Variants in PCDHA7 observed in about 807,000 individuals in gnomAD.
PCDHA7 encodes the protein protocadherin alpha-7.
PCDHA7 carries 37 observed loss-of-function variants against 57.2 expected under a neutral mutation model. The observed-to-expected ratio is 0.65, with a 90% CI of 0.50 to 0.85. The LOEUF is 0.85. Ranked by LOEUF, PCDHA7 falls within the 40% of genes least tolerant of loss-of-function variation. The pLI is 0.00. For missense variants in PCDHA7, 1,188 were observed against 1,241.8 expected (o/e 0.96, Z 0.65); for synonymous variants, 553 against 558.8 (o/e 0.99, Z 0.15).
chr5:140,913,450 T>G (rs2153526628), intron 1 of PCDHA7, among the ~76,000 whole-genome samples: 1 of 152,270 alleles, frequency 6.6e-6, no homozygotes, highest in Middle Eastern at 3.4e-3. Flanking sequence ...TCAGCTCCGA[T>G]TTTATTTACT....
chr5:140,966,926 C>T (rs782811757), intron 1 of PCDHA7: 22 of 1,603,344 alleles, frequency 1.4e-5, no homozygotes, highest in Middle Eastern at 1.6e-4. Context: ...GGAGCAGGCA[C>T]CCGGCGCGCT....
chr5:140,958,137 A>G (rs1237826000), intron 1 of PCDHA7, among the ~76,000 whole-genome samples: 2 of 152,112 alleles, frequency 1.3e-5, no homozygotes, highest in Admixed American at 6.6e-5. Flanking sequence ...ATCAGTGTGT[A>G]TATTTATATA....
At chr5:140,875,399 C>T (rs62622796) in intron 1 of PCDHA7, 40,992 of 1,482,866 alleles carry the variant, frequency 0.028, 731 homozygotes, top group Non-Finnish European at 0.032. Flanking sequence ...AAAAGGGTGA[C>T]TGCTCATAAA....
chr5:140,967,745 G>A, intron 1 of PCDHA7: 1 of 1,614,184 alleles, frequency 6.2e-7, no homozygotes, highest in Non-Finnish European at 8.5e-7. Flanking sequence ...GGATTATGAG[G>A]AAGCCTCCTC....
chr5:140,842,791 G>C (rs1554139385), intron 1 of PCDHA7: 1 of 1,594,368 alleles, frequency 6.3e-7, no homozygotes, highest in Non-Finnish European at 8.6e-7. Context: ...ACGCGCTGGT[G>C]TCCTACTCGC....
chr5:140,900,586 AC>A (rs1554189274), intron 1 of PCDHA7, among the ~76,000 whole-genome samples: 1 of 151,926 alleles, frequency 6.6e-6, no homozygotes, highest in African/African-American at 2.4e-5. Flanking sequence ...CATTTTCTTT[AC>A]CCGTTCATCT....
At chr5:140,876,752 C>A (rs374137138) in intron 1 of PCDHA7, 2 of 1,614,194 alleles carry the variant, frequency 1.2e-6, no homozygotes, top group Non-Finnish European at 1.7e-6. Context: ...GTGGTGACTG[C>A]GCGGGATGGG....
In PCDHA7 at chr5:140,835,748, C is replaced by T. The variant is rs2150243952; in HGVS notation, c.1365C>T (p.Phe455=). The change falls in exon 1 of 4, where the codon TTC becomes TTT. Residue 455 remains phenylalanine (F), a synonymous_variant. Transcript: ENST00000525929. ...VADVNDNAPA[F]AQPEYTVFVK... ...ACGTGAACGACAACGCCCCGGCGTT[C>T]GCGCAGCCCGAGTATACGGTGTTCG... 2.5e-6 allele frequency: 4 copies of T among 1,613,326 alleles called. No homozygotes were observed. Among genetic ancestry groups the T allele is most frequent in the African/African-American group, 1.3e-5 (1 of 74,866 alleles).
chr5:140,851,353 G>A, intron 1 of PCDHA7: 1 of 976,274 alleles, frequency 1.0e-6, no homozygotes, highest in Non-Finnish European at 1.2e-6. Context: ...TCTGGATGGA[G>A]ACTGTGAACA....
At chr5:140,852,896 T>G (rs1554146161) in intron 1 of PCDHA7, 1 of 852,356 alleles carries the variant, frequency 1.2e-6, no homozygotes, top group African/African-American at 1.8e-5. Flanking sequence ...TTTTTTTTTT[T>G]GAGTCAGAGT....
rs781915766 is a variant in PCDHA7, at chr5:140,869,999, G to C, written c.2355+33261G>C. Reference sequence around the variant, plus strand: ...TTATTTACACTAGATCAAAATAATGGAGAAGTGAGGGTCAATGGAACTTTA... The same window carrying C: ...TTATTTACACTAGATCAAAATAATGCAGAAGTGAGGGTCAATGGAACTTTA... On this transcript the variant is annotated intron_variant, in intron 1 of 3. Coordinates refer to ENST00000525929, the MANE Select transcript of PCDHA7 (RefSeq NM_018910.3). The C allele has an allele frequency of 3.7e-6, 6 of 1,613,396 alleles. No individual in the cohort carries two copies. In the South Asian group the frequency reaches 6.6e-5, roughly 18 times the overall value.
chr5:140,933,359 C>G (rs2089088301), intron 1 of PCDHA7, among the ~76,000 whole-genome samples: 1 of 151,832 alleles, frequency 6.6e-6, no homozygotes, highest in Non-Finnish European at 1.5e-5. Context: ...TATTTCTAAC[C>G]CATCCCAAAT....
Position 140,958,902 on chromosome 5 carries a change from GAA to G in PCDHA7, c.2356-20044_2356-20043del, listed in dbSNP as rs201571519. On this transcript the variant is annotated intron_variant, in intron 1 of 3. Transcript: ENST00000525929. ...GACCAGTAGCTATATAATAGATACA[GAA>G]AAGTCTGCCTGGGTGTGGTGGCTCA... Among the ~76,000 whole-genome samples the G allele has an allele frequency of 8.2e-3, 1,248 of 152,002 alleles. 7 individuals carry two copies. The highest frequency in any genetic ancestry group is 0.021 in the Middle Eastern group (6 of 292).
intron 1 of PCDHA7, chr5:140,926,964 C>G (rs149218057): frequency 1.9e-6 from 3 of 1,606,346 alleles, no homozygotes; most frequent in African/African-American, 2.7e-5. Flanking sequence ...AGCTCGAGTA[C>G]TCAGTGCCGG....
At chr5:140,862,209 A>C (rs2047255709) in intron 1 of PCDHA7, 2 of 201,904 alleles carry the variant, frequency 9.9e-6, no homozygotes, top group South Asian at 2.0e-4. Flanking sequence ...TGATCACTGC[A>C]CAGACTTGAT....
chr5:140,973,331 TGTAAAGTGACATAGTA>T (rs782725271), intron 1 of PCDHA7, among the ~76,000 whole-genome samples: 2 of 152,218 alleles, frequency 1.3e-5, no homozygotes, highest in Non-Finnish European at 2.9e-5. Context: ...TTACACTCGT[TGTAAAGTGACATAGTA>T]GTGAATTTAT....
chr5:140,855,986 G>A (rs191873949), intron 1 of PCDHA7: 1 of 1,477,690 alleles, frequency 6.8e-7, no homozygotes, highest in Non-Finnish European at 9.1e-7. Context: ...GACAGAAAAT[G>A]TCAGATCGTA....
At chr5:140,855,766 C>T in intron 1 of PCDHA7, 2 of 379,872 alleles carry the variant, frequency 5.3e-6, no homozygotes, top group South Asian at 9.3e-5. Flanking sequence ...AGTCCATAGA[C>T]ATAAAAATAC....
intron 1 of PCDHA7, among the ~76,000 whole-genome samples, chr5:140,922,233 A>T (rs1226444776): frequency 6.6e-6 from 1 of 152,220 alleles, no homozygotes; most frequent in Non-Finnish European, 1.5e-5. Flanking sequence ...CTCAACCATG[A>T]TGTGTATGAA....
Sources: allele counts gnomAD v4.1 joint callset (sites outside exome capture counted in the v4.1 genomes callset), GRCh38; gene constraint gnomAD v4.1.1; transcripts MANE v1.5; gene names NCBI Gene and HGNC (gene_info 2026-07-23, HGNC 2026-07-21).